Variants in SLC27A2 observed in about 807,000 individuals in gnomAD.
SLC27A2 encodes long-chain fatty acid transport protein 2.
Under a neutral mutation model 60.0 loss-of-function variants are expected in SLC27A2, and 54 were observed. That is an observed-to-expected ratio of 0.90 (90% CI 0.72 to 1.13). The LOEUF is 1.13. Among genes scored for constraint, SLC27A2 ranks in the 50% most tolerant of loss-of-function variants. SLC27A2 has a pLI of 0.00. For synonymous variants in SLC27A2, 297 were observed against 297.6 expected (o/e 1.00, Z 0.02); for missense variants, 739 against 777.6 (o/e 0.95, Z 0.59).
chr15:50,226,126 T>A, intron 6 of SLC27A2, 48 bp downstream of exon 6: 1 of 1,197,324 alleles, frequency 8.4e-7, no homozygotes, highest in South Asian at 1.2e-5. Context: ...CTTATCTTGA[T>A]CAAGTGACTT....
At position 50,226,973 on chromosome 15, in the gene SLC27A2, G is replaced by C. The variant is rs948882616; in HGVS notation, c.1259-7G>C. The C allele has an allele frequency of 1.4e-5, 23 of 1,612,002 alleles. No individual in the cohort carries two copies. Among genetic ancestry groups the C allele is most frequent in the Non-Finnish European group, 1.9e-5 (22 of 1,179,114 alleles). On this transcript the variant is annotated splice_polypyrimidine_tract_variant and splice_region_variant and intron_variant, in intron 6 of 9. Coordinates refer to ENST00000267842, the MANE Select transcript of SLC27A2 (RefSeq NM_003645.4). ...ACATAAAATAAGTTTACTTTCTTCTGTCTTAGGTGAAGTTGGACTTCTGGT... is the reference window on the plus strand; with the variant it reads ...ACATAAAATAAGTTTACTTTCTTCTCTCTTAGGTGAAGTTGGACTTCTGGT...
Position 50,182,275 on chromosome 15 carries a change from C to A in SLC27A2, c.-153C>A. The A allele has an allele frequency of 1.7e-6, 2 of 1,208,906 alleles. No homozygotes were observed. Among genetic ancestry groups the A allele is most frequent in the Non-Finnish European group, 1.1e-6 (1 of 948,696 alleles). The allele number at this position is 1,208,906 out of a possible 1,614,324, so 74.9% of individuals were successfully genotyped here. On this transcript the variant is annotated 5_prime_UTR_variant, in exon 1 of 10. Transcript: ENST00000267842. ...CGCGGCGGTACCTGCAGCGGAGGAG[C>A]TCTGTCTTCCCCTTCATCTCACGCG...
At chr15:50,196,094 ATATATATAT>A (rs2045020018) in intron 1 of SLC27A2, among the ~76,000 whole-genome samples, 1 of 33,274 alleles carries the variant, frequency 3.0e-5, no homozygotes, top group Non-Finnish European at 5.5e-5. Context: ...ATATATATAT[ATATATATAT>A]ATATATATAT....
intron 4 of SLC27A2, among the ~76,000 whole-genome samples, chr15:50,221,571 A>G (rs2045242363): frequency 6.6e-6 from 1 of 152,186 alleles, no homozygotes; most frequent in South Asian, 2.1e-4. Context: ...AAAGTCCCGT[A>G]CCCTTATAGT....
chr15:50,229,502 C>T (rs916471300), intron 8 of SLC27A2, among the ~76,000 whole-genome samples: 3 of 152,198 alleles, frequency 2.0e-5, no homozygotes, highest in Non-Finnish European at 4.4e-5. Context: ...TCAGAATCAT[C>T]ACACAAGAAC....
Position 50,227,134 on chromosome 15 carries a change from T to C in SLC27A2, c.1413T>C (p.His471=). The C allele has an allele frequency of 6.2e-7, 1 of 1,613,504 alleles. No homozygotes were observed. The highest frequency in any genetic ancestry group is 8.5e-7 in the Non-Finnish European group (1 of 1,179,814). The change falls in exon 7 of 10, where the codon CAT becomes CAC. Residue 471 remains histidine, a synonymous_variant. Coordinates refer to ENST00000267842, the MANE Select transcript of SLC27A2 (RefSeq NM_003645.4). ...FNSGDLLMVD[H]ENFIYFHDRV... The stretch of plus-strand genomic sequence containing the variant: ...GTGGAGATCTCTTAATGGTTGACCA[T>C]GAAAATTTCATCTATTTCCACGACA...
At chr15:50,210,962 C>T (rs1372795446) in intron 4 of SLC27A2, among the ~76,000 whole-genome samples, 1 of 152,174 alleles carries the variant, frequency 6.6e-6, no homozygotes, top group Non-Finnish European at 1.5e-5. Flanking sequence ...CCCCCATCCC[C>T]CACAGCAGCC....
At chr15:50,201,354 G>A (rs1350969019) in intron 2 of SLC27A2, among the ~76,000 whole-genome samples, 4 of 152,064 alleles carry the variant, frequency 2.6e-5, no homozygotes, top group Admixed American at 6.6e-5. Flanking sequence ...ATTGCCACGT[G>A]GACGAGCTTC....
chr15:50,224,892 T>G (rs187727604), intron 5 of SLC27A2, among the ~76,000 whole-genome samples: 41 of 152,276 alleles, frequency 2.7e-4, no homozygotes, highest in African/African-American at 9.4e-4. Context: ...TACACCCCAC[T>G]GGAACTGCTG....
chr15:50,222,906 A>G, intron 4 of SLC27A2, 59 bp from the exon 5 acceptor site: 4 of 1,304,470 alleles, frequency 3.1e-6, no homozygotes, highest in Non-Finnish European at 4.3e-6. Context: ...AATTATTAAT[A>G]TGTAAGCATA....
chr15:50,233,075 G>A (rs867294126), intron 8 of SLC27A2, among the ~76,000 whole-genome samples: 26 of 152,104 alleles, frequency 1.7e-4, no homozygotes, highest in African/African-American at 6.3e-4. Flanking sequence ...AAACTTCTCT[G>A]GGCTAAATTC....
In SLC27A2 at chr15:50,218,566, A is replaced by G. The variant is rs117579045; in HGVS notation, c.973-4399A>G. On this transcript the variant is annotated intron_variant, in intron 4 of 9. Coordinates refer to ENST00000267842, the MANE Select transcript of SLC27A2 (RefSeq NM_003645.4). ...TTTGACTGTCAGTAGCAACACTGCA[A>G]GCTGAAAAACAAAGGACTGGTGCTT... Among the ~76,000 whole-genome samples, 305 of 152,362 alleles carry G rather than the reference A, an allele frequency of 2.0e-3. 1 individual carries two copies. The highest frequency in any genetic ancestry group is 5.2e-3 in the Admixed American group (80 of 15,310).
intron 2 of SLC27A2, among the ~76,000 whole-genome samples, chr15:50,201,032 C>T (rs2045059758): frequency 6.6e-6 from 1 of 152,168 alleles, no homozygotes; most frequent in Non-Finnish European, 1.5e-5. Context: ...CATTCTGTTG[C>T]CCAGGCTGGA....
At chr15:50,231,022 C>T (rs185492958) in intron 8 of SLC27A2, among the ~76,000 whole-genome samples, 1 of 152,176 alleles carries the variant, frequency 6.6e-6, no homozygotes, top group African/African-American at 2.4e-5. Flanking sequence ...CACAAACACC[C>T]CAGAGATTCT....
chr15:50,209,168 C>T (rs1244472834), intron 4 of SLC27A2, among the ~76,000 whole-genome samples: 2 of 152,180 alleles, frequency 1.3e-5, no homozygotes, highest in African/African-American at 4.8e-5. Context: ...CCTGAAAAAG[C>T]TGAATAGATT....
chr15:50,189,896 A>G (rs567101323), intron 1 of SLC27A2, among the ~76,000 whole-genome samples: 72 of 152,326 alleles, frequency 4.7e-4, no homozygotes, highest in Non-Finnish European at 7.2e-4. Flanking sequence ...TTCCAGGGCT[A>G]TTTAGAAAGC....
intron 1 of SLC27A2, among the ~76,000 whole-genome samples, chr15:50,193,402 C>G (rs2044990365): frequency 6.6e-6 from 1 of 152,202 alleles, no homozygotes; most frequent in Non-Finnish European, 1.5e-5. Flanking sequence ...AGAGACCTGC[C>G]TGGCACACAG....
At chr15:50,184,850 A>G (rs147855393) in intron 1 of SLC27A2, among the ~76,000 whole-genome samples, 102 of 152,182 alleles carry the variant, frequency 6.7e-4, no homozygotes, top group African/African-American at 2.3e-3. Context: ...AAACAGAATA[A>G]AAAAAAGACA....
At chr15:50,204,544 T>A (rs111401788) in intron 3 of SLC27A2, among the ~76,000 whole-genome samples, 2 of 151,770 alleles carry the variant, frequency 1.3e-5, no homozygotes, top group Admixed American at 6.6e-5. Flanking sequence ...CCATCCTGGC[T>A]AACACAGTGA....
Sources: gnomAD v4.1 joint callset for allele counts (sites outside exome capture counted in the v4.1 genomes callset) on GRCh38, gnomAD v4.1.1 for gene constraint, MANE v1.5 for transcripts, NCBI Gene and HGNC (gene_info 2026-07-23, HGNC 2026-07-21) for gene names.